P3H2: variants seen among roughly 807,000 people sequenced by gnomAD.
P3H2 encodes the protein prolyl 3-hydroxylase 2, also known as leprecan-like 1.
Under a neutral mutation model 87.0 loss-of-function variants are expected in P3H2, and 80 were observed. The observed-to-expected ratio is 0.92, with a 90% confidence interval of 0.77 to 1.11. The LOEUF (loss-of-function observed/expected upper bound fraction) is 1.11, where lower values mean the gene tolerates loss of function less well. Ranked by LOEUF, P3H2 falls within the 50% of genes least tolerant of loss-of-function variation. The probability of loss-of-function intolerance (pLI) is 0.00; values close to 1 mark genes in which losing one functional copy is unlikely to be tolerated. For missense variants in P3H2, 1,001 were observed against 923.9 expected (o/e 1.08, Z -1.08); for synonymous variants, 367 against 359.3 (o/e 1.02, Z -0.24).
Position 189,982,148 on chromosome 3 carries a change from G to C in P3H2, c.1324+898C>G, listed in dbSNP as rs148502791. 2.0e-3 allele frequency among the ~76,000 whole-genome samples: 298 copies of C among 152,272 alleles called. 1 individual carries two copies. The highest frequency in any genetic ancestry group is 6.8e-3 in the African/African-American group (282 of 41,542). ...TCTACACAATTCTATGTTTCATGCA[G>C]CAGGTGAAGAAGAGAAAATGGGATT... On this transcript the variant is annotated intron_variant, in intron 8 of 14. Coordinates refer to ENST00000319332, the MANE Select transcript of P3H2 (RefSeq NM_018192.4).
chr3:190,047,972 T>C (rs1725858237), intron 1 of P3H2, among the ~76,000 whole-genome samples: 2 of 152,210 alleles, frequency 1.3e-5, no homozygotes, highest in Non-Finnish European at 2.9e-5. Flanking sequence ...ACCCTTGTTT[T>C]ATCCTTTTTT....
intron 1 of P3H2, among the ~76,000 whole-genome samples, chr3:190,042,849 T>C (rs1725678905): frequency 6.6e-6 from 1 of 152,196 alleles, no homozygotes; most frequent in Non-Finnish European, 1.5e-5. Context: ...TGTTGAGCCC[T>C]TAACATTTTT....
At chr3:190,052,809 T>C (rs7632740) in intron 1 of P3H2, among the ~76,000 whole-genome samples, 59,980 of 151,800 alleles carry the variant, frequency 0.4, 12,947 homozygotes, top group African/African-American at 0.59. Flanking sequence ...TGATGAATTT[T>C]GGCATATGCA....
chr3:190,089,052 T>G (rs1372191616), intron 1 of P3H2, among the ~76,000 whole-genome samples: 5 of 152,298 alleles, frequency 3.3e-5, no homozygotes, highest in Middle Eastern at 6.8e-3. Flanking sequence ...TATTGGGAGC[T>G]CCACACTGAC....
upstream of P3H2, chr3:190,120,998 T>C: frequency 4.2e-6 from 2 of 477,702 alleles, no homozygotes; most frequent in South Asian, 3.3e-5. Context: ...GGCTCCCCGC[T>C]GCAGCGGCGG....
intron 1 of P3H2, among the ~76,000 whole-genome samples, chr3:190,038,486 GAAAAAAAAAAA>G (rs57971408): frequency 1.1e-5 from 1 of 92,622 alleles, no homozygotes; most frequent in Non-Finnish European, 2.2e-5. Context: ...ACTGCAGAAT[GAAAAAAAAAAA>G]AAAAAAAAAA....
chr3:190,115,531 A>G (rs776833380), intron 1 of P3H2, among the ~76,000 whole-genome samples: 24 of 152,196 alleles, frequency 1.6e-4, no homozygotes, highest in Non-Finnish European at 2.5e-4. Flanking sequence ...AGAATTGTGC[A>G]TGAAACAGGT....
intron 7 of P3H2, 26 bp downstream of exon 7, chr3:189,984,524 C>T (rs1175050728): frequency 1.3e-6 from 2 of 1,583,918 alleles, no homozygotes; most frequent in African/African-American, 1.3e-5. Flanking sequence ...TCATAAAAAA[C>T]CAGTTTGCAT....
rs538321221 is a variant in P3H2 at position 190,022,714 on chromosome 3, T to C, written c.481-27272A>G. Among the ~76,000 whole-genome samples, 2 of 151,830 alleles carry C rather than the reference T, an allele frequency of 1.3e-5. 1 individual carries two copies. The highest frequency in any genetic ancestry group is 1.3e-4 in the Admixed American group (2 of 15,234). ...GGTACTTTATAAAACCATTAGGCAG[T>C]GGTTATCAAATTCTGTTATGCCTCA... is the stretch of plus-strand genomic sequence containing the variant. On this transcript the variant is annotated intron_variant, in intron 1 of 14. Transcript: ENST00000319332.
chr3:190,077,836 G>A (rs1726919820), intron 1 of P3H2, among the ~76,000 whole-genome samples: 1 of 152,178 alleles, frequency 6.6e-6, no homozygotes, highest in Non-Finnish European at 1.5e-5. Flanking sequence ...CTCTTATCAA[G>A]ATATGAATGG....
intron 1 of P3H2, among the ~76,000 whole-genome samples, chr3:190,091,944 G>A (rs1727421310): frequency 6.6e-6 from 1 of 152,160 alleles, no homozygotes; most frequent in Non-Finnish European, 1.5e-5. Context: ...ATGTAAAAAT[G>A]TTTTCCAGCC....
intron 13 of P3H2, chr3:189,969,309 G>A: frequency 1.1e-6 from 1 of 919,746 alleles, no homozygotes; most frequent in Admixed American, 1.7e-5. Flanking sequence ...CCCAGGTGCA[G>A]AACATGAAGC....
upstream of P3H2, chr3:190,121,066 G>T (rs1712566897): frequency 3.0e-6 from 1 of 334,276 alleles, no homozygotes; most frequent in Non-Finnish European, 5.5e-6. Context: ...GCTTGAGGCC[G>T]GCCGGGGACG....
At chr3:189,969,229 G>T in intron 13 of P3H2, 1 of 753,032 alleles carries the variant, frequency 1.3e-6, no homozygotes. Flanking sequence ...GGCAATACTC[G>T]CATAACAAAT....
intron 1 of P3H2, among the ~76,000 whole-genome samples, chr3:190,098,375 C>T (rs890007639): frequency 2.6e-5 from 4 of 151,940 alleles, no homozygotes; most frequent in African/African-American, 9.7e-5. Flanking sequence ...TAATCTCGTG[C>T]TACAAAATTA....
intron 1 of P3H2, among the ~76,000 whole-genome samples, chr3:190,046,819 T>C (rs1317916841): frequency 6.6e-6 from 1 of 152,076 alleles, no homozygotes; most frequent in Admixed American, 6.5e-5. Flanking sequence ...ATTTACCCTA[T>C]TAAGCCACTC....
chr3:190,023,890 A>G (rs889672324), intron 1 of P3H2, among the ~76,000 whole-genome samples: 1 of 152,232 alleles, frequency 6.6e-6, no homozygotes, highest in Non-Finnish European at 1.5e-5. Flanking sequence ...CAAAGGCAAC[A>G]TGATGTCCAG....
chr3:190,089,591 A>G (rs1727344963), intron 1 of P3H2, among the ~76,000 whole-genome samples: 1 of 152,206 alleles, frequency 6.6e-6, no homozygotes, highest in Admixed American at 6.5e-5. Flanking sequence ...GGGTGGTCAC[A>G]CATACCTTAT....
At chr3:190,009,677 G>A (rs1187457354) in intron 1 of P3H2, among the ~76,000 whole-genome samples, 1 of 152,162 alleles carries the variant, frequency 6.6e-6, no homozygotes, top group South Asian at 2.1e-4. Context: ...TCATTAAAAT[G>A]AATATAGCCT....
Sources: allele counts gnomAD v4.1 joint callset (sites outside exome capture counted in the v4.1 genomes callset), GRCh38; gene constraint gnomAD v4.1.1; transcripts MANE v1.5; gene names NCBI Gene and HGNC (gene_info 2026-07-23, HGNC 2026-07-21).